Variants in SH3BGRL2 observed in about 807,000 individuals in gnomAD.
SH3BGRL2 encodes the protein SH3 domain-binding glutamic acid-rich-like protein 2.
In SH3BGRL2, 21 loss-of-function variants were observed where a neutral mutation model predicts 14.8. The ratio of observed to expected loss-of-function variants is 1.42; its 90% CI spans 1.01 to 2.05. SH3BGRL2 has a LOEUF of 2.05. Ranked by LOEUF, SH3BGRL2 falls within the 30% of genes most tolerant of loss-of-function variation. The probability of loss-of-function intolerance (pLI) is 0.00; values close to 1 mark genes in which losing one functional copy is unlikely to be tolerated. For synonymous variants in SH3BGRL2, 50 were observed against 47.8 expected (o/e 1.05, Z -0.19); for missense variants, 147 against 130.8 (o/e 1.12, Z -0.61).
chr6:79,538,145 G>T, the SH3BGRL2 span, among the ~76,000 whole-genome samples: 35 of 104,154 alleles, frequency 3.4e-4, no homozygotes, highest in African/African-American at 1.2e-3. Flanking sequence ...CGGGAGACAG[G>T]GAAGGTAAAA....
At chr6:79,549,421 A>G in the SH3BGRL2 span, among the ~76,000 whole-genome samples, 32 of 152,316 alleles carry the variant, frequency 2.1e-4, no homozygotes, top group Non-Finnish European at 4.1e-4. Flanking sequence ...CCACATACTC[A>G]CCAGTGGTCC....
the SH3BGRL2 span, among the ~76,000 whole-genome samples, chr6:79,612,510 G>A: frequency 1.6e-4 from 25 of 152,190 alleles, no homozygotes; most frequent in African/African-American, 5.1e-4. Flanking sequence ...AAATTTTAGC[G>A]GATTCCAAAG....
chr6:79,571,650 C>G, the SH3BGRL2 span, among the ~76,000 whole-genome samples: 16,440 of 152,140 alleles, frequency 0.11, 1,671 homozygotes, highest in East Asian at 0.56. Context: ...AACTTAAAAT[C>G]TATTGGTAAC....
At chr6:79,546,720 A>G in the SH3BGRL2 span, among the ~76,000 whole-genome samples, 1 of 149,362 alleles carries the variant, frequency 6.7e-6, no homozygotes, top group Non-Finnish European at 1.5e-5. Flanking sequence ...TTTTCTCGAG[A>G]TGAAGTCTTC....
At chr6:79,676,745 A>G (rs1322607306) in intron 2 of SH3BGRL2, among the ~76,000 whole-genome samples, 1 of 152,062 alleles carries the variant, frequency 6.6e-6, no homozygotes, top group African/African-American at 2.4e-5. Context: ...AGAAGTGTTC[A>G]GTGCTGTTTG....
chr6:79,542,109 C>G, the SH3BGRL2 span, among the ~76,000 whole-genome samples: 2 of 152,170 alleles, frequency 1.3e-5, no homozygotes, highest in Non-Finnish European at 2.9e-5. Context: ...TGCCAGGCAA[C>G]AGTCTATCCC....
the SH3BGRL2 span, among the ~76,000 whole-genome samples, chr6:79,551,537 G>A: frequency 6.6e-6 from 1 of 152,122 alleles, no homozygotes; most frequent in Non-Finnish European, 1.5e-5. Flanking sequence ...CCTGCAACGT[G>A]GCCCTCCTGC....
rs139710968 is a variant in SH3BGRL2 at position 79,681,487 on chromosome 6, G to A, written c.231+7688G>A. Among the ~76,000 whole-genome samples the A allele has an allele frequency of 2.9e-3, 441 of 152,242 alleles. 3 individuals are homozygous for A. The highest frequency in any genetic ancestry group is 9.6e-3 in the African/African-American group (398 of 41,542). On this transcript the variant is annotated intron_variant, in intron 2 of 3. Coordinates refer to ENST00000369838, the MANE Select transcript of SH3BGRL2 (RefSeq NM_031469.4). ...TTGGTTAATTGAGGCCTGAAAGTAG[G>A]CTAGAGACTGATTAGACTAATTTTC...
intron 1 of SH3BGRL2, among the ~76,000 whole-genome samples, chr6:79,662,258 T>C (rs563910350): frequency 1.1e-3 from 165 of 152,366 alleles, no homozygotes; most frequent in Non-Finnish European, 1.9e-3. Flanking sequence ...CTTTACAATT[T>C]GGCATGTTTT....
chr6:79,555,224 C>T, the SH3BGRL2 span, among the ~76,000 whole-genome samples: 2 of 152,026 alleles, frequency 1.3e-5, no homozygotes, highest in South Asian at 2.1e-4. Context: ...CTGAGGCAGG[C>T]GGATCACCTG....
chr6:79,594,354 G>C, the SH3BGRL2 span, among the ~76,000 whole-genome samples: 1 of 152,110 alleles, frequency 6.6e-6, no homozygotes, highest in South Asian at 2.1e-4. Context: ...CTTTGTTGAG[G>C]CTTCTCCTGC....
chr6:79,559,752 C>A, the SH3BGRL2 span, among the ~76,000 whole-genome samples: 3 of 152,246 alleles, frequency 2.0e-5, no homozygotes, highest in East Asian at 5.8e-4. Context: ...AGAGAATACA[C>A]ATGGAGATAT....
At chr6:79,588,104 T>G in the SH3BGRL2 span, among the ~76,000 whole-genome samples, 1 of 151,986 alleles carries the variant, frequency 6.6e-6, no homozygotes, top group African/African-American at 2.4e-5. Flanking sequence ...CCATTCTGGC[T>G]AACATGGTGA....
the SH3BGRL2 span, among the ~76,000 whole-genome samples, chr6:79,566,656 A>C: frequency 6.6e-6 from 1 of 152,202 alleles, no homozygotes; most frequent in Non-Finnish European, 1.5e-5. Context: ...TATCTAGAAC[A>C]GGGCCGGGTA....
intron 1 of SH3BGRL2, among the ~76,000 whole-genome samples, chr6:79,667,294 C>T (rs974501708): frequency 6.6e-6 from 1 of 151,934 alleles, no homozygotes; most frequent in African/African-American, 2.4e-5. Context: ...GGACACAGTT[C>T]GAATAGTTGG....
the SH3BGRL2 span, among the ~76,000 whole-genome samples, chr6:79,592,354 A>T: frequency 3.9e-5 from 6 of 152,284 alleles, no homozygotes; most frequent in African/African-American, 1.4e-4. Context: ...ACAAATAGGG[A>T]TCCTGTATTC....
At chr6:79,616,975 G>A in the SH3BGRL2 span, among the ~76,000 whole-genome samples, 3 of 152,128 alleles carry the variant, frequency 2.0e-5, no homozygotes, top group African/African-American at 2.4e-5. Flanking sequence ...ATCACCTGAG[G>A]TCGGGAGTTT....
the SH3BGRL2 span, among the ~76,000 whole-genome samples, chr6:79,585,750 G>A: frequency 6.7e-6 from 1 of 149,044 alleles, no homozygotes; most frequent in Non-Finnish European, 1.5e-5. Flanking sequence ...TGGGAAAGAT[G>A]TAATTTACTT....
intron 1 of SH3BGRL2, among the ~76,000 whole-genome samples, chr6:79,673,214 A>G (rs1376968441): frequency 6.6e-6 from 1 of 152,020 alleles, no homozygotes; most frequent in Non-Finnish European, 1.5e-5. Flanking sequence ...CTGTCATCTC[A>G]TAGTCCATTC....
Sources: gnomAD v4.1 joint callset for allele counts (sites outside exome capture counted in the v4.1 genomes callset) on GRCh38, gnomAD v4.1.1 for gene constraint, MANE v1.5 for transcripts, NCBI Gene and HGNC (gene_info 2026-07-23, HGNC 2026-07-21) for gene names.